Variants in ZCCHC14 observed in about 807,000 individuals in gnomAD.
ZCCHC14 encodes zinc finger CCHC-type containing 14.
In ZCCHC14, 16 loss-of-function variants were observed where a neutral mutation model predicts 85.0. The observed-to-expected ratio is 0.19, with a 90% confidence interval of 0.13 to 0.29. ZCCHC14 has a LOEUF of 0.29. Among genes scored for constraint, ZCCHC14 ranks in the 10% least tolerant of loss-of-function variants. The probability of loss-of-function intolerance (pLI) is 1.00; values close to 1 mark genes in which losing one functional copy is unlikely to be tolerated. For synonymous variants in ZCCHC14, 775 were observed against 630.7 expected (o/e 1.23, Z -3.43); for missense variants, 1,303 against 1,443.5 (o/e 0.90, Z 1.58).
intron 3 of ZCCHC14, among the ~76,000 whole-genome samples, chr16:87,429,645 T>C (rs1476446307): frequency 6.6e-6 from 1 of 152,188 alleles, no homozygotes; most frequent in Non-Finnish European, 1.5e-5. Flanking sequence ...TTGCTTTTGT[T>C]GCCCAAGCTG....
At chr16:87,460,791 C>T (rs1911221191) in intron 1 of ZCCHC14, among the ~76,000 whole-genome samples, 1 of 152,172 alleles carries the variant, frequency 6.6e-6, no homozygotes, top group Non-Finnish European at 1.5e-5. Context: ...CAAATAGCTC[C>T]CTATAAAACG....
intron 2 of ZCCHC14, among the ~76,000 whole-genome samples, chr16:87,447,617 T>C (rs1341199501): frequency 6.6e-6 from 1 of 152,228 alleles, no homozygotes; most frequent in African/African-American, 2.4e-5. Context: ...CTCATGGACA[T>C]CTGGGTTGTT....
chr16:87,441,255 G>A (rs1910171833), intron 2 of ZCCHC14, among the ~76,000 whole-genome samples: 1 of 152,138 alleles, frequency 6.6e-6, no homozygotes, highest in South Asian at 2.1e-4. Context: ...GCCTCCCAAA[G>A]TGCTGGGATT....
At chr16:87,440,354 AG>A (rs1339908092) in intron 2 of ZCCHC14, among the ~76,000 whole-genome samples, 3 of 151,980 alleles carry the variant, frequency 2.0e-5, no homozygotes, top group African/African-American at 7.3e-5. Context: ...TAGTAGAGAC[AG>A]GGTTTCGACA....
chr16:87,413,263 C>G, intron 10 of ZCCHC14, 68 bp from the exon 11 acceptor site: 1 of 1,447,864 alleles, frequency 6.9e-7, no homozygotes. Flanking sequence ...CCCCGTGCCC[C>G]TGCATCGCAC....
chr16:87,427,567 A>G (rs1003710797), intron 3 of ZCCHC14, among the ~76,000 whole-genome samples: 4 of 152,224 alleles, frequency 2.6e-5, no homozygotes, highest in East Asian at 1.9e-4. Flanking sequence ...GAAAGAAAAG[A>G]TAACACTAAA....
chr16:87,436,970 T>G (rs1909955128), intron 2 of ZCCHC14, among the ~76,000 whole-genome samples: 1 of 152,184 alleles, frequency 6.6e-6, no homozygotes, highest in African/African-American at 2.4e-5. Flanking sequence ...ACTTCCAGTC[T>G]GCCCCCAGTG....
At chr16:87,483,603 C>A (rs188065886) in intron 1 of ZCCHC14, among the ~76,000 whole-genome samples, 1 of 152,346 alleles carries the variant, frequency 6.6e-6, no homozygotes, top group East Asian at 1.9e-4. Flanking sequence ...CAATATTCAA[C>A]CTTTATCAAC....
At chr16:87,477,560 T>C (rs1382284573) in intron 1 of ZCCHC14, among the ~76,000 whole-genome samples, 2 of 152,218 alleles carry the variant, frequency 1.3e-5, no homozygotes, top group African/African-American at 4.8e-5. Context: ...ACACAAACAA[T>C]TTTAACTTCA....
At chr16:87,432,964 A>G (rs1384414915) in intron 3 of ZCCHC14, among the ~76,000 whole-genome samples, 164 bp downstream of exon 3, 1 of 24,976 alleles carries the variant, frequency 4.0e-5, no homozygotes, top group African/African-American at 1.6e-4. Flanking sequence ...AACAACCCCC[A>G]CCCTGGAGAC....
At chr16:87,467,565 C>A in intron 1 of ZCCHC14, 2 of 1,550,888 alleles carry the variant, frequency 1.3e-6, no homozygotes, top group Non-Finnish European at 1.8e-6. Flanking sequence ...CCCACCAATT[C>A]CCGTTGGTTC....
At chr16:87,440,564 G>A (rs1272773704) in intron 2 of ZCCHC14, among the ~76,000 whole-genome samples, 1 of 152,088 alleles carries the variant, frequency 6.6e-6, no homozygotes, top group Non-Finnish European at 1.5e-5. Context: ...AGAGGTCACT[G>A]GCCACATCCC....
At chr16:87,415,151 TA>T in intron 9 of ZCCHC14, 124 bp downstream of exon 9, 1 of 703,378 alleles carries the variant, frequency 1.4e-6, no homozygotes, top group Non-Finnish European at 2.5e-6. Context: ...AAAGCATGGC[TA>T]AGGACTGGAT....
intron 2 of ZCCHC14, among the ~76,000 whole-genome samples, chr16:87,454,988 G>T (rs886903678): frequency 4.6e-5 from 7 of 152,182 alleles, no homozygotes; most frequent in African/African-American, 1.7e-4. Context: ...AACATCAGCG[G>T]GCTTTAAAAA....
At chr16:87,465,476 G>GT (rs1911476071) in intron 1 of ZCCHC14, among the ~76,000 whole-genome samples, 1 of 152,198 alleles carries the variant, frequency 6.6e-6, no homozygotes, top group Non-Finnish European at 1.5e-5. Flanking sequence ...CAAGCTACTG[G>GT]TAGTCACGGG....
intron 2 of ZCCHC14, among the ~76,000 whole-genome samples, chr16:87,438,015 C>G (rs1204745257): frequency 6.6e-6 from 1 of 152,258 alleles, no homozygotes; most frequent in East Asian, 1.9e-4. Flanking sequence ...CATCTCACAC[C>G]TGCTGCTGGC....
intron 2 of ZCCHC14, among the ~76,000 whole-genome samples, chr16:87,449,719 A>G (rs1429527704): frequency 1.3e-5 from 2 of 152,220 alleles, no homozygotes; most frequent in African/African-American, 4.8e-5. Flanking sequence ...TAAAGGGAAT[A>G]TTATTTATGG....
At chr16:87,474,158 A>C (rs529500135) in intron 1 of ZCCHC14, 1 of 152,364 alleles carries the variant, frequency 6.6e-6, no homozygotes, top group African/African-American at 2.4e-5. Context: ...TCACACCTAC[A>C]GGTGAAGCCT....
chr16:87,438,361 T>G (rs1485121187), intron 2 of ZCCHC14, among the ~76,000 whole-genome samples: 1 of 152,274 alleles, frequency 6.6e-6, no homozygotes, highest in Non-Finnish European at 1.5e-5. Context: ...AGCCAAGTCT[T>G]AAAGGGCTCT....
Sources: gnomAD v4.1 joint callset for allele counts (sites outside exome capture counted in the v4.1 genomes callset) on GRCh38, gnomAD v4.1.1 for gene constraint, MANE v1.5 for transcripts, NCBI Gene and HGNC (gene_info 2026-07-23, HGNC 2026-07-21) for gene names.